The following TBXA2R variants were observed in gnomAD, a reference collection of about 807,000 sequenced individuals.
TBXA2R encodes thromboxane A2 receptor.
In TBXA2R, 15 loss-of-function variants were observed where a neutral mutation model predicts 15.6. That is an observed-to-expected ratio of 0.96 (90% CI 0.64 to 1.48). The LOEUF is 1.48. Ranked by LOEUF, TBXA2R falls within the 40% of genes most tolerant of loss-of-function variation. TBXA2R has a pLI of 0.00. For missense variants in TBXA2R, 506 were observed against 491.4 expected (o/e 1.03, Z -0.28); for synonymous variants, 280 against 241.2 (o/e 1.16, Z -1.49).
rs200407356 is a variant in TBXA2R, at chr19:3,600,244, A to G, written c.391T>C (p.Tyr131His). 16 of 1,611,702 alleles carry G rather than the reference A, an allele frequency of 9.9e-6. No individual in the cohort carries two copies. The highest frequency in any genetic ancestry group is 8.8e-5 in the South Asian group (8 of 91,044). ...GAGAAGGGCCGGGTGATACCCAGGT[A>G]GCGCTCTGAGGCCATGGCGGCCCCC... ...LLGAAMASER[Y>H]LGITRPFSRP... The change falls in exon 2 of 3, where the codon TAC becomes CAC. Residue 131 changes from tyrosine (Y) to histidine (H), a missense_variant. Physicochemically the swap from Tyr to His is moderately conservative, Grantham distance 83. Transcript: ENST00000375190.
intron 1 of TBXA2R, among the ~76,000 whole-genome samples, chr19:3,605,735 A>G (rs563850852): frequency 3.0e-4 from 46 of 152,116 alleles, no homozygotes; most frequent in African/African-American, 8.9e-4. Context: ...CATGGCAAAT[A>G]CATAGACACA....
intron 1 of TBXA2R, 70 bp from the exon 2 acceptor site, chr19:3,600,787 T>A: frequency 1.4e-6 from 1 of 725,344 alleles, no homozygotes; most frequent in Non-Finnish European, 2.3e-6. Context: ...GGTGAACTCC[T>A]ACACAACCTT....
intron 1 of TBXA2R, among the ~76,000 whole-genome samples, chr19:3,601,604 T>C (rs966815570): frequency 5.9e-4 from 87 of 148,188 alleles, no homozygotes; most frequent in African/African-American, 2.1e-3. Flanking sequence ...GTGTGATGAG[T>C]GAAGTAAAAA....
At chr19:3,606,052 G>C (rs1052513977) in intron 1 of TBXA2R, among the ~76,000 whole-genome samples, 2 of 152,030 alleles carry the variant, frequency 1.3e-5, no homozygotes, top group Admixed American at 6.6e-5. Flanking sequence ...GTATTTAACA[G>C]TCACAGACTC....
In TBXA2R at chr19:3,603,058, T is replaced by G. The variant is rs189952857; in HGVS notation, c.-83-2341A>C. 9.9e-3 allele frequency among the ~76,000 whole-genome samples: 1,453 copies of G among 146,898 alleles called. 32 individuals are homozygous for G. Among genetic ancestry groups the G allele is most frequent in the African/African-American group, 0.034 (1,373 of 40,136 alleles). On this transcript the variant is annotated intron_variant, in intron 1 of 2. Transcript: ENST00000375190. ...CTCAAAAAAAAAAAAAAAGTCGGGGTTGCTGATGACGGGAGTGAAGGGATC... is the reference window on the plus strand; with the variant it reads ...CTCAAAAAAAAAAAAAAAGTCGGGGGTGCTGATGACGGGAGTGAAGGGATC...
chr19:3,596,047 G>A lies in TBXA2R; in HGVS notation c.787-114C>T, dbSNP rs559779933. 42 of 1,338,258 alleles carry A rather than the reference G, an allele frequency of 3.1e-5. No homozygotes were observed. The Admixed American group carries it at 7.6e-4, about 24-fold the overall frequency. 82.9% of individuals were successfully genotyped at this position (1,338,258 alleles called of 1,614,324 possible). A position where few individuals can be genotyped will look rare whatever the true frequency, so the allele number is the denominator to read the frequency against. ...CACTCCGTTTTTTAATTTTATTTTT[G>A]AGACAGGGTCTCACTCTGTCGTCCA... On this transcript the variant is annotated intron_variant, in intron 2 of 2. Transcript: ENST00000375190.
intron 1 of TBXA2R, among the ~76,000 whole-genome samples, chr19:3,605,770 A>G (rs541461674): frequency 6.6e-6 from 1 of 151,102 alleles, no homozygotes; most frequent in Non-Finnish European, 1.5e-5. Flanking sequence ...CACAGATGGA[A>G]ACATGACAGA....
At chr19:3,602,454 C>T (rs1054188262) in intron 1 of TBXA2R, among the ~76,000 whole-genome samples, 30 of 151,630 alleles carry the variant, frequency 2.0e-4, no homozygotes, top group Non-Finnish European at 1.8e-4. Context: ...GGTCCTATTA[C>T]GGTCAGGCGT....
chr19:3,602,928 T>C (rs35424656), intron 1 of TBXA2R, among the ~76,000 whole-genome samples: 81,509 of 150,938 alleles, frequency 0.54, 22,790 homozygotes, highest in Middle Eastern at 0.59. Flanking sequence ...CCCAGCTACT[T>C]GGGAGGCTGA....
At chr19:3,597,251 T>C (rs2032621630) in intron 2 of TBXA2R, among the ~76,000 whole-genome samples, 1 of 151,512 alleles carries the variant, frequency 6.6e-6, no homozygotes, top group Admixed American at 6.6e-5. Flanking sequence ...AGGAAATTTT[T>C]AAACTATATT....
Position 3,595,691 on chromosome 19 carries a change from C to G in TBXA2R, c.1029G>C (p.Gln343His). The change falls in exon 3 of 3, where the codon CAG becomes CAC. Residue 343 changes from glutamine (Q) to histidine (H), a missense_variant. Transcript: ENST00000375190. ...GGAGGGGCGCTCTGTCCACTTCCTA[C>G]TGCAGCCCGGAGCGCTGCGTGAGCT... ...QPQLTQRSGL[Q>H] The G allele has an allele frequency of 6.3e-7, 1 of 1,583,814 alleles. No individual in the cohort carries two copies. Among genetic ancestry groups the G allele is most frequent in the East Asian group, 2.3e-5 (1 of 43,834 alleles).
Position 3,595,007 on chromosome 19 carries a change from G to C in TBXA2R, c.*681C>G. 1.4e-6 allele frequency: 2 copies of C among 1,480,016 alleles called. No homozygotes were observed. Among genetic ancestry groups the C allele is most frequent in the Non-Finnish European group, 1.8e-6 (2 of 1,099,136 alleles). 91.7% of individuals were successfully genotyped at this position (1,480,016 alleles called of 1,614,324 possible). On this transcript the variant is annotated 3_prime_UTR_variant, in exon 3 of 3. Coordinates refer to ENST00000375190, the MANE Select transcript of TBXA2R (RefSeq NM_001060.6). Reference sequence around the variant, plus strand: ...AGGCACGAGAATCGCTTGAACCCGGGAGGCGGAGGTTGCAGTGAGCCGAGA... The same window carrying C: ...AGGCACGAGAATCGCTTGAACCCGGCAGGCGGAGGTTGCAGTGAGCCGAGA...
At chr19:3,604,479 C>T (rs970203856) in intron 1 of TBXA2R, among the ~76,000 whole-genome samples, 1 of 152,106 alleles carries the variant, frequency 6.6e-6, no homozygotes, top group Non-Finnish European at 1.5e-5. Context: ...TCCTCGTGCC[C>T]CCTCCCCCAC....
chr19:3,595,662 C>T lies in TBXA2R; in HGVS notation c.*26G>A, dbSNP rs757989202. ...AGGGGCCAAGGGCTCCGCGGAAAGG[C>T]GCGGGAGGGGCGCTCTGTCCACTTC... On this transcript the variant is annotated 3_prime_UTR_variant, in exon 3 of 3. Coordinates refer to ENST00000375190, the MANE Select transcript of TBXA2R (RefSeq NM_001060.6). 6.4e-7 allele frequency: 1 copy of T among 1,554,902 alleles called. No individual in the cohort carries two copies. The highest frequency in any genetic ancestry group is 8.7e-7 in the Non-Finnish European group (1 of 1,147,996).
At chr19:3,596,674 TGGGTTTAC>T (rs1215564761) in intron 2 of TBXA2R, among the ~76,000 whole-genome samples, 6 of 150,844 alleles carry the variant, frequency 4.0e-5, no homozygotes, top group Non-Finnish European at 8.9e-5. Context: ...CTCCGCCTCC[TGGGTTTAC>T]GCCATTCTCC....
intron 2 of TBXA2R, chr19:3,597,909 G>C (rs546714074): frequency 6.6e-6 from 1 of 152,392 alleles, no homozygotes; most frequent in African/African-American, 2.4e-5. Context: ...ACTCCAGCCC[G>C]GGCAACAGTG....
Position 3,595,620 on chromosome 19 carries a change from G to A in TBXA2R, c.*68C>T, listed in dbSNP as rs201808148. 2 of 1,497,418 alleles carry A rather than the reference G, an allele frequency of 1.3e-6. No homozygotes were observed. Among genetic ancestry groups the A allele is most frequent in the Non-Finnish European group, 1.8e-6 (2 of 1,118,156 alleles). The allele number at this position is 1,497,418 out of a possible 1,614,324, so 92.8% of individuals were successfully genotyped here. ...CCCCAGCCCCTGAATCCTCAGAACA[G>A]GCAGATGGGCTGTCCGAGGGGCCAA... is the stretch of plus-strand genomic sequence containing the variant. On this transcript the variant is annotated 3_prime_UTR_variant, in exon 3 of 3. Transcript: ENST00000375190.
intron 1 of TBXA2R, among the ~76,000 whole-genome samples, chr19:3,602,130 A>C (rs538904820): frequency 6.6e-6 from 1 of 152,108 alleles, no homozygotes; most frequent in Admixed American, 6.5e-5. Flanking sequence ...CTGAGGCAGG[A>C]GAATAGCGTG....
chr19:3,602,107 G>A (rs1462993957), intron 1 of TBXA2R, among the ~76,000 whole-genome samples: 1 of 152,184 alleles, frequency 6.6e-6, no homozygotes. Context: ...TGTAGTCCCA[G>A]CTACTCGGGA....
Sources: allele counts gnomAD v4.1 joint callset (sites outside exome capture counted in the v4.1 genomes callset), GRCh38; gene constraint gnomAD v4.1.1; transcripts MANE v1.5; gene names NCBI Gene and HGNC (gene_info 2026-07-23, HGNC 2026-07-21).